IFT140: variants seen among roughly 807,000 people sequenced by gnomAD.
IFT140 encodes intraflagellar transport protein 140 homolog.
A neutral mutation model predicts 164.6 loss-of-function variants in IFT140; 133 were observed. The observed-to-expected ratio is 0.81, with a 90% CI of 0.70 to 0.93. The LOEUF (loss-of-function observed/expected upper bound fraction) is 0.93, where lower values mean the gene tolerates loss of function less well. Ranked by LOEUF, IFT140 falls within the 40% of genes least tolerant of loss-of-function variation. The probability of loss-of-function intolerance (pLI) is 0.00; values close to 1 mark genes in which losing one functional copy is unlikely to be tolerated. For missense variants in IFT140, 2,045 were observed against 1,972.3 expected (o/e 1.04, Z -0.70); for synonymous variants, 860 against 817.3 (o/e 1.05, Z -0.89).
At chr16:1,561,857 A>T in intron 18 of IFT140, 128 bp downstream of exon 18, 1 of 868,162 alleles carries the variant, frequency 1.2e-6, no homozygotes, top group Non-Finnish European at 1.7e-6. Context: ...GATGCTGTCT[A>T]CGGAGAGGGA....
At chr16:1,549,964 C>CT (rs1246203513) in intron 19 of IFT140, among the ~76,000 whole-genome samples, 1 of 152,188 alleles carries the variant, frequency 6.6e-6, no homozygotes, top group Admixed American at 6.5e-5. Flanking sequence ...CATTCTGAGT[C>CT]TTTTTTTCTT....
chr16:1,554,921 C>A, intron 19 of IFT140: 1 of 1,614,234 alleles, frequency 6.2e-7, no homozygotes, highest in East Asian at 2.2e-5. Context: ...ACATTCTCCA[C>A]AAGAGGGAGG....
chr16:1,526,057 G>C lies in IFT140; in HGVS notation c.2598C>G (p.Tyr866Ter), dbSNP rs144513458. The change falls in exon 21 of 31, where the codon TAC becomes TAG. Residue 866 changes from tyrosine to a stop codon, truncating the protein, a stop_gained. Transcript: ENST00000426508. LOFTEE classifies it high-confidence loss of function. ...LGMLEDAEQL[Y>*]RKCKRHDLLN... The stretch of plus-strand genomic sequence containing the variant: ...GGAGGTCGTGGCGCTTGCACTTCCT[G>C]TACAGCTGCTCGGCGTCCTCCTGAG... 1.9e-5 allele frequency: 31 copies of C among 1,594,394 alleles called. No individual in the cohort carries two copies. The highest frequency in any genetic ancestry group is 2.6e-5 in the Non-Finnish European group (31 of 1,170,868).
Position 1,524,797 on chromosome 16 carries a change from C to A in IFT140, c.2984G>T (p.Gly995Val), listed in dbSNP as rs772919008. The A allele has an allele frequency of 3.7e-6, 6 of 1,609,720 alleles. No homozygotes were observed. The African/African-American group carries it at 6.7e-5, about 18-fold the overall frequency. Residue 995 changes from glycine (G) to valine (V), a missense_variant, in exon 23 of 31, where the codon GGC becomes GTC. By Grantham distance (109) the Gly-to-Val change is moderately radical (BLOSUM62 -3). Transcript: ENST00000426508. ...CGGGGACCTTACCTTCTGGACATTG[C>A]CCTGGAAGCAGTGGATGCGGACCAG... ...FSLVRIHCFQ[G>V]NVQKAAQIAN...
chr16:1,520,950 C>A (rs777271092), intron 26 of IFT140, 142 bp from the exon 27 acceptor site: 11 of 660,882 alleles, frequency 1.7e-5, no homozygotes, highest in Admixed American at 2.8e-5. Flanking sequence ...ATGGAGGGGA[C>A]AAGGATGTCT....
At chr16:1,543,879 A>T (rs2031896966) in intron 19 of IFT140, among the ~76,000 whole-genome samples, 1 of 152,206 alleles carries the variant, frequency 6.6e-6, no homozygotes. Context: ...TTAAAGAAGG[A>T]AATGGAAGAT....
rs1340500842 is a variant in IFT140 at position 1,568,362 on chromosome 16, C to T, written c.1653-28G>A. On this transcript the variant is annotated intron_variant, in intron 14 of 30. Coordinates refer to ENST00000426508, the MANE Select transcript of IFT140 (RefSeq NM_014714.4). ...GCAGGGAGGAAGAGGGACCTCAGTG[C>T]CCGCCAGAGGCCCAGTTCCCAATTC... 4 of 1,559,148 alleles carry T rather than the reference C, an allele frequency of 2.6e-6. No individual in the cohort carries two copies. In the African/African-American group the frequency reaches 4.1e-5, roughly 16 times the overall value.
intron 19 of IFT140, chr16:1,555,283 T>G: frequency 2.1e-6 from 1 of 481,796 alleles, no homozygotes; most frequent in Non-Finnish European, 3.7e-6. Flanking sequence ...CCACACGCAC[T>G]TCAGGGTGGA....
chr16:1,542,627 C>T (rs184902567), intron 19 of IFT140, among the ~76,000 whole-genome samples: 7 of 152,396 alleles, frequency 4.6e-5, no homozygotes, highest in South Asian at 2.1e-4. Flanking sequence ...AGGCCCTTTC[C>T]GTGAGCGGGA....
intron 30 of IFT140, among the ~76,000 whole-genome samples, chr16:1,515,630 C>T (rs1453683479): frequency 6.6e-6 from 1 of 152,166 alleles, no homozygotes; most frequent in East Asian, 1.9e-4. Context: ...CTCCTGGCCT[C>T]AAGAAATCCT....
At chr16:1,587,005 C>T (rs1019016958) in intron 9 of IFT140, among the ~76,000 whole-genome samples, 193 bp downstream of exon 9, 2 of 152,236 alleles carry the variant, frequency 1.3e-5, no homozygotes, top group Non-Finnish European at 2.9e-5. Flanking sequence ...TCTAACCAAA[C>T]CCCCTGGCCT....
At chr16:1,525,413 C>T (rs770007485) in intron 21 of IFT140, 87 bp from the exon 22 acceptor site, 66 of 982,234 alleles carry the variant, frequency 6.7e-5, no homozygotes, top group African/African-American at 9.5e-5. Flanking sequence ...GTCGGTGAAA[C>T]GCATCAGAGC....
chr16:1,574,740 T>C (rs2034190431), intron 13 of IFT140, among the ~76,000 whole-genome samples: 1 of 151,032 alleles, frequency 6.6e-6, no homozygotes, highest in Admixed American at 6.6e-5. Context: ...TCCCACCCCC[T>C]TCCATGGCAC....
intron 21 of IFT140, 62 bp downstream of exon 21, chr16:1,525,825 G>A: frequency 1.4e-6 from 2 of 1,426,758 alleles, no homozygotes; most frequent in South Asian, 2.8e-5. Flanking sequence ...GCACACACAA[G>A]AGGCCTCACA....
chr16:1,567,983 G>A (rs2033811207), intron 15 of IFT140, among the ~76,000 whole-genome samples: 1 of 152,234 alleles, frequency 6.6e-6, no homozygotes, highest in Non-Finnish European at 1.5e-5. Context: ...GCAGGGGACA[G>A]AAGATGGCAG....
intron 12 of IFT140, among the ~76,000 whole-genome samples, chr16:1,582,757 G>T (rs960723283): frequency 6.6e-6 from 1 of 152,254 alleles, no homozygotes; most frequent in Non-Finnish European, 1.5e-5. Flanking sequence ...ATAAAAATTA[G>T]CCGGGTGTGG....
Position 1,520,766 on chromosome 16 carries a change from T to A in IFT140, c.3496A>T (p.Ile1166Phe). 1 of 1,608,152 alleles carries A rather than the reference T, an allele frequency of 6.2e-7. No individual in the cohort carries two copies. Among genetic ancestry groups the A allele is most frequent in the Non-Finnish European group, 8.5e-7 (1 of 1,179,988 alleles). The change falls in exon 27 of 31, where the codon ATC (isoleucine) becomes TTC (phenylalanine). Residue 1166 changes from isoleucine to phenylalanine, a missense_variant. Coordinates refer to ENST00000426508, the MANE Select transcript of IFT140 (RefSeq NM_014714.4). ...LQLCLGQNMS[I>F]TEEMAEKMTV... The stretch of plus-strand genomic sequence containing the variant: ...ATCTTTTCCGCCATCTCCTCGGTGA[T>A]GCTCATGTTCTGCCCCAGGCACAGC...
At chr16:1,574,899 C>A (rs531769441) in intron 13 of IFT140, among the ~76,000 whole-genome samples, 1 of 152,176 alleles carries the variant, frequency 6.6e-6, no homozygotes, top group Admixed American at 6.5e-5. Context: ...GTAGTCACTG[C>A]GTCCCTGACA....
chr16:1,576,414 ACCCTGTCTC>A, intron 13 of IFT140, among the ~76,000 whole-genome samples: 1 of 151,254 alleles, frequency 6.6e-6, no homozygotes, highest in Admixed American at 6.6e-5. Flanking sequence ...ACACGGTGAA[ACCCTGTCTC>A]TACTAAAAAT....
Sources: allele counts gnomAD v4.1 joint callset (sites outside exome capture counted in the v4.1 genomes callset), GRCh38; gene constraint gnomAD v4.1.1; transcripts MANE v1.5; gene names NCBI Gene and HGNC (gene_info 2026-07-23, HGNC 2026-07-21).